Variants in LMBRD1 observed in about 807,000 individuals in gnomAD.
LMBRD1 encodes the protein lysosomal cobalamin transport escort protein LMBD1.
Under a neutral mutation model 74.8 loss-of-function variants are expected in LMBRD1, and 64 were observed. That is an observed-to-expected ratio of 0.86 (90% confidence interval 0.70 to 1.05). The LOEUF is 1.05. Ranked by LOEUF, LMBRD1 falls within the 50% of genes least tolerant of loss-of-function variation. LMBRD1 has a pLI of 0.00. For missense variants in LMBRD1, 652 were observed against 645.9 expected (o/e 1.01, Z -0.10); for synonymous variants, 204 against 216.3 (o/e 0.94, Z 0.50).
intron 2 of LMBRD1, among the ~76,000 whole-genome samples, chr6:69,789,288 C>G (rs1766029070): frequency 6.6e-6 from 1 of 152,186 alleles, no homozygotes; most frequent in Admixed American, 6.5e-5. Flanking sequence ...CTTTGGGAGG[C>G]TGGGCACGTG....
intron 3 of LMBRD1, among the ~76,000 whole-genome samples, chr6:69,762,370 T>C (rs765629100): frequency 6.6e-6 from 1 of 151,600 alleles, no homozygotes; most frequent in Non-Finnish European, 1.5e-5. Context: ...CAGCCCTTTG[T>C]GTGGCCGAGA....
chr6:69,676,209 T>C lies in LMBRD1; in HGVS notation c.1572A>G (p.Val524=), dbSNP rs764884534. Residue 524 remains valine (V), a synonymous_variant, in exon 16 of 16, where the codon GTA becomes GTG. Coordinates refer to ENST00000649934, the MANE Select transcript of LMBRD1 (RefSeq NM_018368.4). The part of the protein sequence containing the change: ...CKGKKSVIEG[V]DEDSDISDDE... ...CATCACTTATGTCTGAATCTTCATC[T>C]ACTCCTTCAATAACCGATTTCTTCC... is the stretch of plus-strand genomic sequence containing the variant. 4 of 1,613,508 alleles carry C rather than the reference T, an allele frequency of 2.5e-6. No homozygotes were observed. In the East Asian group the frequency reaches 6.7e-5, roughly 27 times the overall value.
intron 12 of LMBRD1, 63 bp downstream of exon 12, chr6:69,700,702 T>G: frequency 9.0e-7 from 1 of 1,113,190 alleles, no homozygotes. Flanking sequence ...CTAAGATAAT[T>G]TGTAATTATG....
intron 3 of LMBRD1, among the ~76,000 whole-genome samples, chr6:69,768,283 AAAGTTAGTTTCTAC>A (rs1320333397): frequency 6.6e-6 from 1 of 151,794 alleles, no homozygotes; most frequent in Non-Finnish European, 1.5e-5. Flanking sequence ...TTTTGTATTA[AAAGTTAGTTTCTAC>A]ATTACCAATT....
chr6:69,732,077 A>G (rs1766870889), intron 7 of LMBRD1, among the ~76,000 whole-genome samples: 1 of 152,168 alleles, frequency 6.6e-6, no homozygotes, highest in African/African-American at 2.4e-5. Context: ...ATTCAGTGAA[A>G]TATGCTATCA....
intron 14 of LMBRD1, among the ~76,000 whole-genome samples, chr6:69,678,639 T>C (rs1055064423): frequency 3.9e-5 from 6 of 152,104 alleles, no homozygotes; most frequent in African/African-American, 1.2e-4. Context: ...AAATGGACAA[T>C]GGCAAAAAGA....
At chr6:69,704,497 G>A (rs1417970065) in intron 9 of LMBRD1, among the ~76,000 whole-genome samples, 1 of 151,732 alleles carries the variant, frequency 6.6e-6, no homozygotes, top group Non-Finnish European at 1.5e-5. Flanking sequence ...TTAGGCAATA[G>A]GAGCCCCTAC....
At chr6:69,700,365 A>G (rs534807289) in intron 12 of LMBRD1, among the ~76,000 whole-genome samples, 1 of 151,816 alleles carries the variant, frequency 6.6e-6, no homozygotes. Context: ...TTATATTCGA[A>G]TGTGTTTCTA....
intron 8 of LMBRD1, among the ~76,000 whole-genome samples, chr6:69,717,518 C>G (rs1032901486): frequency 1.3e-5 from 2 of 152,060 alleles, no homozygotes; most frequent in African/African-American, 4.8e-5. Flanking sequence ...TACAAATTAA[C>G]TTTTAGCAAA....
Position 69,718,964 on chromosome 6 carries a change from T to C in LMBRD1, c.754A>G (p.Lys252Glu). ...CCAAAACATCAACTCACTTTTGATT[T>C]AATCGTTTGAATGTGTTGTTCTACT... ...EEVEQHIQTI[K>E]SKSKDGRPLP... Residue 252 changes from lysine (K) to glutamate (E), a missense_variant, in exon 8 of 16, where the codon AAA becomes GAA. Physicochemically the swap from Lys to Glu is moderately conservative, Grantham distance 56 (BLOSUM62 1). Coordinates refer to ENST00000649934, the MANE Select transcript of LMBRD1 (RefSeq NM_018368.4). 2 of 1,613,454 alleles carry C rather than the reference T, an allele frequency of 1.2e-6. No homozygotes were observed. Among genetic ancestry groups the C allele is most frequent in the Non-Finnish European group, 1.7e-6 (2 of 1,179,608 alleles).
At chr6:69,715,620 T>C (rs2149854252) in intron 8 of LMBRD1, among the ~76,000 whole-genome samples, 1 of 152,264 alleles carries the variant, frequency 6.6e-6, no homozygotes, top group Non-Finnish European at 1.5e-5. Context: ...AATTACCATA[T>C]TACCATTCCC....
At chr6:69,722,839 A>C (rs1766646099) in intron 7 of LMBRD1, among the ~76,000 whole-genome samples, 1 of 152,208 alleles carries the variant, frequency 6.6e-6, no homozygotes, top group African/African-American at 2.4e-5. Flanking sequence ...CTTACGTATC[A>C]GTAACAACAC....
At chr6:69,779,773 T>G (rs981882409) in intron 3 of LMBRD1, among the ~76,000 whole-genome samples, 2 of 152,338 alleles carry the variant, frequency 1.3e-5, no homozygotes, top group Admixed American at 1.3e-4. Context: ...TATTTATTCC[T>G]GTTGTAGAAA....
rs779668532 is a variant in LMBRD1 at position 69,752,342 on chromosome 6, T to G, written c.322A>C (p.Ile108Leu). 5.6e-6 allele frequency: 9 copies of G among 1,608,000 alleles called. No homozygotes were observed. The highest frequency in any genetic ancestry group is 1.7e-5 in the Admixed American group (1 of 59,922). Residue 108 changes from isoleucine (I) to leucine (L), a missense_variant, in exon 4 of 16, where the codon ATA becomes CTA. Ile to Leu is a conservative substitution (Grantham distance 5). This residue lies in a region of LMBRD1 where 598 missense variants were observed against 581.8 expected (regional missense o/e 1.03). Coordinates refer to ENST00000649934, the MANE Select transcript of LMBRD1 (RefSeq NM_018368.4). ...LYGYYTLYSV[I>L]LFCVFFWIPF... ...ATCCAGAAGAACACACAGAACAATA[T>G]AACAGAATATAAAGCTGTGGAAATA...
chr6:69,712,229 T>G (rs1313799064), intron 9 of LMBRD1, among the ~76,000 whole-genome samples: 2 of 152,192 alleles, frequency 1.3e-5, no homozygotes, highest in African/African-American at 4.8e-5. Flanking sequence ...CAACAGTTTT[T>G]GTTACTTTTT....
At chr6:69,789,340 T>C (rs1766030423) in intron 2 of LMBRD1, among the ~76,000 whole-genome samples, 2 of 152,060 alleles carry the variant, frequency 1.3e-5, no homozygotes, top group African/African-American at 2.4e-5. Flanking sequence ...CTGGCCAACA[T>C]GGCAAAACCC....
At chr6:69,778,595 T>A (rs531725148) in intron 3 of LMBRD1, among the ~76,000 whole-genome samples, 1 of 152,190 alleles carries the variant, frequency 6.6e-6, no homozygotes, top group African/African-American at 2.4e-5. Flanking sequence ...CAACATATGT[T>A]CTACAGAATC....
chr6:69,675,567 T>C lies in LMBRD1; in HGVS notation c.*591A>G, dbSNP rs990324850. Reference sequence around the variant, plus strand: ...CTTAAATACTGTAGAGGTTGTAAGTTATCTAATGGACTGATATTTGAACAA... The same window carrying C: ...CTTAAATACTGTAGAGGTTGTAAGTCATCTAATGGACTGATATTTGAACAA... On this transcript the variant is annotated 3_prime_UTR_variant, in exon 16 of 16. Coordinates refer to ENST00000649934, the MANE Select transcript of LMBRD1 (RefSeq NM_018368.4). 6.6e-6 allele frequency among the ~76,000 whole-genome samples: 1 copy of C among 152,194 alleles called. No individual in the cohort carries two copies. Among genetic ancestry groups the C allele is most frequent in the African/African-American group, 2.4e-5 (1 of 41,456 alleles).
intron 7 of LMBRD1, among the ~76,000 whole-genome samples, chr6:69,729,710 G>A (rs1053229321): frequency 2.0e-5 from 3 of 151,748 alleles, no homozygotes; most frequent in South Asian, 2.1e-4. Flanking sequence ...AACAACTTGC[G>A]GTAACATAAG....
Sources: gnomAD v4.1 joint callset for allele counts (sites outside exome capture counted in the v4.1 genomes callset) on GRCh38, gnomAD v4.1.1 for gene constraint, gnomAD v4.1.1 regional missense constraint, MANE v1.5 for transcripts, NCBI Gene and HGNC (gene_info 2026-07-23, HGNC 2026-07-21) for gene names.